The following DDHD2 variants were observed in gnomAD, a reference collection of about 807,000 sequenced individuals.
DDHD2 encodes DDHD domain containing 2.
Under a neutral mutation model 91.2 loss-of-function variants are expected in DDHD2, and 62 were observed. The observed-to-expected ratio is 0.68, with a 90% CI of 0.55 to 0.84. The LOEUF (loss-of-function observed/expected upper bound fraction) is 0.84. Ranked by LOEUF, DDHD2 falls within the 40% of genes least tolerant of loss-of-function variation. DDHD2 has a pLI of 0.00. For synonymous variants in DDHD2, 271 were observed against 293.9 expected (o/e 0.92, Z 0.80); for missense variants, 740 against 846.9 (o/e 0.87, Z 1.57).
At chr8:38,269,572 C>T in intron 1 of DDHD2, 1 of 264,346 alleles carries the variant, frequency 3.8e-6, no homozygotes, top group Non-Finnish European at 7.1e-6. Context: ...AGCAACACAG[C>T]CGCATTCTGC....
At chr8:38,267,532 C>T, downstream of DDHD2, 1 of 962,316 alleles carries the variant, frequency 1.0e-6, no homozygotes, top group South Asian at 1.8e-5. Context: ...AGTATAGTCA[C>T]CACACTAAGA....
chr8:38,233,995 A>AACTTGTCACTTGTCTAACTTGTC (rs1459914404), intron 2 of DDHD2, among the ~76,000 whole-genome samples: 1 of 151,986 alleles, frequency 6.6e-6, no homozygotes, highest in Non-Finnish European at 1.5e-5. Flanking sequence ...TGAACTCTCT[A>AACTTGTCACTTGTCTAACTTGTC]ACTTGTCACT....
Position 38,252,767 on chromosome 8 carries a change from G to C in DDHD2, c.1663G>C (p.Val555Leu). The C allele has an allele frequency of 1.2e-6, 2 of 1,614,038 alleles. No individual in the cohort carries two copies. The highest frequency in any genetic ancestry group is 1.7e-6 in the Non-Finnish European group (2 of 1,179,960). The change falls in exon 14 of 18, where the codon GTG becomes CTG. Residue 555 changes from valine to leucine, a missense_variant. By Grantham distance (32) the Val-to-Leu change is conservative. Coordinates refer to ENST00000397166, the MANE Select transcript of DDHD2 (RefSeq NM_015214.3). ...GATTGAACCAATGGTGGTCCCAGGA[G>C]TGGAATTTGAGCCAATGCTGATCCC... ...YRIEPMVVPG[V>L]EFEPMLIPHH...
At chr8:38,263,344 C>T (rs915856557), downstream of DDHD2, 33 of 978,280 alleles carry the variant, frequency 3.4e-5, no homozygotes, top group Admixed American at 3.7e-4. Flanking sequence ...CTTCAGATGA[C>T]GATACCTGTC....
At position 38,249,762 on chromosome 8, in the gene DDHD2, A is replaced by G. The variant is rs1229829230; in HGVS notation, c.1303A>G (p.Lys435Glu). The change falls in exon 11 of 18, where the codon AAG (lysine) becomes GAG (glutamate). Residue 435 changes from lysine (K) to glutamate (E), a missense_variant. Lys to Glu is a moderately conservative substitution (Grantham distance 56, BLOSUM62 1). Transcript: ENST00000397166. ...AATAGGAATTCCTTTAGGACCAAGAAAGAAGATATTAAACTATTTCAGCAC... is the reference window on the plus strand; with the variant it reads ...AATAGGAATTCCTTTAGGACCAAGAGAGAAGATATTAAACTATTTCAGCAC... Reference protein sequence around the residue: ...QEIGIPLGPRKKILNYFSTRK... With the variant: ...QEIGIPLGPREKILNYFSTRK... 1 of 1,612,378 alleles carries G rather than the reference A, an allele frequency of 6.2e-7. No homozygotes were observed. The highest frequency in any genetic ancestry group is 2.2e-5 in the East Asian group (1 of 44,814).
rs189268217 is a variant in DDHD2, at chr8:38,252,048, C to G, written c.1461+20C>G. ...GGGCAGGTAACTAATTCTCTTTGAT[C>G]ATTTTACAGCCTGCTATTTGTATGG... On this transcript the variant is annotated intron_variant, in intron 12 of 17. Transcript: ENST00000397166. 9.3e-6 allele frequency: 15 copies of G among 1,611,892 alleles called. No homozygotes were observed. In the East Asian group the frequency reaches 3.1e-4, roughly 34 times the overall value.
chr8:38,264,993 G>C (rs748146050), downstream of DDHD2: 28 of 1,371,492 alleles, frequency 2.0e-5, no homozygotes, highest in South Asian at 2.7e-4. Flanking sequence ...TTCTCGCCGG[G>C]CACGGTGACT....
rs766794813 is a variant in DDHD2 at position 38,234,560 on chromosome 8, G to A, written c.387G>A (p.Ser129=). Residue 129 remains serine (S), a synonymous_variant, in exon 3 of 18, where the codon TCG becomes TCA. Transcript: ENST00000397166. Reference sequence around the variant, plus strand: ...AAGACAATAAGTATGTTCCCTACTCGGAGAGCTTCAGCCAAGTTTTAGAGG... The same window carrying A: ...AAGACAATAAGTATGTTCCCTACTCAGAGAGCTTCAGCCAAGTTTTAGAGG... ...GDKDNKYVPY[S]ESFSQVLEET... 8 of 1,608,922 alleles carry A rather than the reference G, an allele frequency of 5.0e-6. No homozygotes were observed. The highest frequency in any genetic ancestry group is 2.7e-5 in the African/African-American group (2 of 74,744).
In DDHD2 at chr8:38,234,533, C is replaced by G. The variant is rs148587720; in HGVS notation, c.360C>G (p.Asp120Glu). Residue 120 changes from aspartate to glutamate, a missense_variant, in exon 3 of 18, where the codon GAC becomes GAG. By Grantham distance (45) the Asp-to-Glu change is conservative (BLOSUM62 2). Transcript: ENST00000397166. ...VRRCTWFYKG[D>E]KDNKYVPYSE... ...GATGTACGTGGTTTTACAAGGGGGA[C>G]AAAGACAATAAGTATGTTCCCTACT... 5 of 1,612,640 alleles carry G rather than the reference C, an allele frequency of 3.1e-6. No homozygotes were observed. The African/African-American group carries it at 6.7e-5, about 22-fold the overall frequency.
At chr8:38,243,822 T>G (rs1805422747) in intron 7 of DDHD2, among the ~76,000 whole-genome samples, 1 of 151,398 alleles carries the variant, frequency 6.6e-6, no homozygotes, top group Admixed American at 6.6e-5. Context: ...TTTTTTTTTT[T>G]TTGAGATGGA....
At chr8:38,233,733 G>A (rs1804474882) in intron 2 of DDHD2, among the ~76,000 whole-genome samples, 2 of 152,004 alleles carry the variant, frequency 1.3e-5, no homozygotes, top group African/African-American at 4.8e-5. Flanking sequence ...TTTGAGATTA[G>A]CCTGGCCAGC....
At position 38,234,385 on chromosome 8, in the gene DDHD2, C is replaced by T. The variant is rs746277193; in HGVS notation, c.221-9C>T. 1.2e-5 allele frequency: 18 copies of T among 1,549,454 alleles called. No homozygotes were observed. Among genetic ancestry groups the T allele is most frequent in the Non-Finnish European group, 1.1e-5 (13 of 1,153,418 alleles). ...ATGTACTTCTTTTCCCCTTTTCAAT[C>T]CTTGAAAGGAAAAGGTTGTAATGGG... is the stretch of plus-strand genomic sequence containing the variant. On this transcript the variant is annotated splice_polypyrimidine_tract_variant and intron_variant, in intron 2 of 17. Coordinates refer to ENST00000397166, the MANE Select transcript of DDHD2 (RefSeq NM_015214.3).
chr8:38,258,472 C>T (rs1440130274), intron 16 of DDHD2, among the ~76,000 whole-genome samples: 3 of 152,046 alleles, frequency 2.0e-5, no homozygotes, highest in South Asian at 2.1e-4. Flanking sequence ...AGGCTGGTCT[C>T]GAACGCCTGA....
At chr8:38,268,121 G>A (rs1405490204) in intron 1 of DDHD2, 5 of 1,442,562 alleles carry the variant, frequency 3.5e-6, no homozygotes, top group African/African-American at 1.4e-5. Flanking sequence ...TTTTGTAGCC[G>A]AGAACTTTTG....
At position 38,267,999 on chromosome 8, in the gene DDHD2, G is replaced by A. The variant is rs200448877; in HGVS notation, n.88-3123G>A. The A allele has an allele frequency of 1.2e-4, 188 of 1,613,886 alleles. 1 individual carries two copies. In the Middle Eastern group the frequency reaches 6.5e-3, roughly 55 times the overall value. On this transcript the variant is annotated intron_variant and non_coding_transcript_variant, in intron 1 of 1. Transcript: ENST00000526071. ...CCATTAGTTGAAAGGATCTGTCTAG[G>A]AGGAAAGGTATGGTCATGGCCTCGT...
At chr8:38,233,314 A>AT in intron 2 of DDHD2, 100 bp downstream of exon 2, 1 of 858,796 alleles carries the variant, frequency 1.2e-6, no homozygotes, top group Non-Finnish European at 1.8e-6. Flanking sequence ...CAAATTTTAG[A>AT]TTTTTCCAGT....
chr8:38,267,630 A>G (rs955063819), downstream of DDHD2: 2 of 619,170 alleles, frequency 3.2e-6, no homozygotes, highest in Admixed American at 6.0e-5. Context: ...AGCAAATGAC[A>G]CTGCAGCTTC....
exon 2 of DDHD2, chr8:38,271,381 A>G (rs1265903702): frequency 6.6e-6 from 1 of 152,050 alleles, no homozygotes; most frequent in Non-Finnish European, 1.5e-5. Context: ...ACTATTTCGT[A>G]CCTGTGGTAA....
intron 1 of DDHD2, chr8:38,268,470 G>C (rs935151872): frequency 1.3e-6 from 2 of 1,562,216 alleles, no homozygotes; most frequent in South Asian, 1.2e-5. Flanking sequence ...ACCTGAATCA[G>C]AATGTCAGAG....
Sources: gnomAD v4.1 joint callset for allele counts (sites outside exome capture counted in the v4.1 genomes callset) on GRCh38, gnomAD v4.1.1 for gene constraint, MANE v1.5 for transcripts, NCBI Gene and HGNC (gene_info 2026-07-23, HGNC 2026-07-21) for gene names.